Variants in ZSCAN12 observed in about 807,000 individuals in gnomAD.
ZSCAN12 encodes the protein zinc finger and SCAN domain containing 12, also known as zinc finger and SCAN domain-containing protein 12.
A neutral mutation model predicts 23.4 loss-of-function variants in ZSCAN12; 18 were observed. That is an observed-to-expected ratio of 0.77 (90% CI 0.53 to 1.14). The LOEUF (loss-of-function observed/expected upper bound fraction) is 1.14, where lower values mean the gene tolerates loss of function less well. Ranked by LOEUF, ZSCAN12 falls within the 50% of genes most tolerant of loss-of-function variation. The pLI, the probability that ZSCAN12 is intolerant of heterozygous loss-of-function variation, is 0.00. For missense variants in ZSCAN12, 650 were observed against 735.0 expected (o/e 0.88, Z 1.34); for synonymous variants, 186 against 253.4 (o/e 0.73, Z 2.53).
chr6:28,390,623 T>C lies in ZSCAN12; in HGVS notation c.1667A>G (p.Asp556Gly), dbSNP rs1285381261. 2 of 1,612,876 alleles carry C rather than the reference T, an allele frequency of 1.2e-6. No homozygotes were observed. The highest frequency in any genetic ancestry group is 1.7e-6 in the Non-Finnish European group (2 of 1,179,422). The change falls in exon 4 of 4, where the codon GAT becomes GGT. Residue 556 changes from aspartate to glycine, a missense_variant. Asp to Gly is a moderately conservative substitution (Grantham distance 94). Transcript: ENST00000684592. ...IHTGEKPYQC[D>G]ECGKAFRQRS... ...CTGTCTGAAGGCTTTTCCACACTCATCACATTGGTAGGGCTTCTCCCCAGT... is the reference window on the plus strand; with the variant it reads ...CTGTCTGAAGGCTTTTCCACACTCACCACATTGGTAGGGCTTCTCCCCAGT...
Position 28,398,291 on chromosome 6 carries a change from T to C in ZSCAN12, c.115A>G (p.Thr39Ala). The C allele has an allele frequency of 6.3e-7, 1 of 1,599,520 alleles. No individual in the cohort carries two copies. The highest frequency in any genetic ancestry group is 1.8e-5 in the Admixed American group (1 of 56,740). ...TGACGGAAGACCTCTCTGCTATGGGTGTTGTTTTTACGCAGGTCCCAATCC... is the reference window on the plus strand; with the variant it reads ...TGACGGAAGACCTCTCTGCTATGGGCGTTGTTTTTACGCAGGTCCCAATCC... The part of the protein sequence containing the change: ...RQDWDLRKNN[T>A]HSREVFRQYF... The change falls in exon 2 of 4, where the codon ACC becomes GCC. Residue 39 changes from threonine (T) to alanine (A), a missense_variant. Coordinates refer to ENST00000684592, the MANE Select transcript of ZSCAN12 (RefSeq NM_001163391.2).
In ZSCAN12 at chr6:28,398,290, GTGT is replaced by G; in HGVS notation, c.113_115del (p.Asn38del). The stretch of plus-strand genomic sequence containing the variant: ...CTGACGGAAGACCTCTCTGCTATGG[GTGT>G]TGTTTTTACGCAGGTCCCAATCCTG... On this transcript the variant is annotated inframe_deletion, in exon 2 of 4. Coordinates refer to ENST00000684592, the MANE Select transcript of ZSCAN12 (RefSeq NM_001163391.2). 1 of 1,600,600 alleles carries G rather than the reference GTGT, an allele frequency of 6.2e-7. No homozygotes were observed. Among genetic ancestry groups the G allele is most frequent in the East Asian group, 2.3e-5 (1 of 44,412 alleles).
Position 28,386,909 on chromosome 6 carries a change from C to A in ZSCAN12, c.*3545G>T, listed in dbSNP as rs1760577721. On this transcript the variant is annotated 3_prime_UTR_variant, in exon 4 of 4. Coordinates refer to ENST00000684592, the MANE Select transcript of ZSCAN12 (RefSeq NM_001163391.2). ...GTGGTGCCATCTCAGCTCACTGCAA[C>A]CTCCACCTCCCGGATTCAAGCGATT... Among the ~76,000 whole-genome samples the A allele has an allele frequency of 6.6e-6, 1 of 152,138 alleles. No individual in the cohort carries two copies. Among genetic ancestry groups the A allele is most frequent in the Non-Finnish European group, 1.5e-5 (1 of 68,036 alleles).
chr6:28,382,787 T>A (rs979892505), downstream of ZSCAN12, among the ~76,000 whole-genome samples: 6 of 152,182 alleles, frequency 3.9e-5, no homozygotes, highest in African/African-American at 1.4e-4. Context: ...AGCCTTTTAC[T>A]CTCTAAAAGT....
downstream of ZSCAN12, among the ~76,000 whole-genome samples, chr6:28,384,687 T>C (rs1239123470): frequency 6.6e-6 from 1 of 152,174 alleles, no homozygotes; most frequent in Non-Finnish European, 1.5e-5. Flanking sequence ...ATTATATACA[T>C]GAGGTCATAT....
At chr6:28,393,155 A>C (rs1581779119) in intron 2 of ZSCAN12, 109 bp from the exon 3 acceptor site, 4 of 1,188,076 alleles carry the variant, frequency 3.4e-6, no homozygotes, top group Non-Finnish European at 4.7e-6. Flanking sequence ...CCCAGATATA[A>C]GCCTGCCATA....
chr6:28,398,932 C>CAAAAA (rs369893339), intron 1 of ZSCAN12, among the ~76,000 whole-genome samples: 3 of 90,916 alleles, frequency 3.3e-5, no homozygotes, highest in Admixed American at 1.2e-4. Context: ...GACTCCGTCT[C>CAAAAA]AAAAAAAAAA....
rs1386343321 is a variant in ZSCAN12, at chr6:28,388,643, T to G, written c.*1811A>C. Among the ~76,000 whole-genome samples the G allele has an allele frequency of 6.6e-6, 1 of 152,100 alleles. No individual in the cohort carries two copies. Among genetic ancestry groups the G allele is most frequent in the Non-Finnish European group, 1.5e-5 (1 of 68,016 alleles). ...TAGAAAGGTAATTAGGAGTGGGACTTACTAAGGAAGAATGCAGATTACCCT... is the reference window on the plus strand; with the variant it reads ...TAGAAAGGTAATTAGGAGTGGGACTGACTAAGGAAGAATGCAGATTACCCT... On this transcript the variant is annotated 3_prime_UTR_variant, in exon 4 of 4. Coordinates refer to ENST00000684592, the MANE Select transcript of ZSCAN12 (RefSeq NM_001163391.2).
intron 2 of ZSCAN12, among the ~76,000 whole-genome samples, chr6:28,396,603 T>G (rs148885677): frequency 1.3e-5 from 2 of 152,024 alleles, no homozygotes; most frequent in East Asian, 2.0e-4. Flanking sequence ...TTTTTCTGTT[T>G]GTTTGTTTGT....
In ZSCAN12 at chr6:28,387,732, A is replaced by C. The variant is rs976290909; in HGVS notation, c.*2722T>G. ...GTATAACAATTATGTTTTGTTGAAG[A>C]TTTGCAGGAGCATTGTGACCCAACC... On this transcript the variant is annotated 3_prime_UTR_variant, in exon 4 of 4. Coordinates refer to ENST00000684592, the MANE Select transcript of ZSCAN12 (RefSeq NM_001163391.2). Among the ~76,000 whole-genome samples, 3 of 152,204 alleles carry C rather than the reference A, an allele frequency of 2.0e-5. 1 individual carries two copies.
Position 28,386,377 on chromosome 6 carries a change from C to CA in ZSCAN12, c.*4076_*4077insT, listed in dbSNP as rs1760541324. Among the ~76,000 whole-genome samples, 1 of 152,192 alleles carries CA rather than the reference C, an allele frequency of 6.6e-6. No individual in the cohort carries two copies. Among genetic ancestry groups the CA allele is most frequent in the African/African-American group, 2.4e-5 (1 of 41,446 alleles). ...CTACAATTGATGACCGTTATTTCTA[C>CA]CTTGGACCTGCTTCGCTTTTATATT... On this transcript the variant is annotated 3_prime_UTR_variant, in exon 4 of 4. Coordinates refer to ENST00000684592, the MANE Select transcript of ZSCAN12 (RefSeq NM_001163391.2).
At position 28,389,516 on chromosome 6, in the gene ZSCAN12, G is replaced by A. The variant is rs1359657560; in HGVS notation, c.*938C>T. Among the ~76,000 whole-genome samples the A allele has an allele frequency of 6.6e-6, 1 of 152,138 alleles. No individual in the cohort carries two copies. Among genetic ancestry groups the A allele is most frequent in the Non-Finnish European group, 1.5e-5 (1 of 68,022 alleles). ...AACTCAACGCTTCTCAAATTTTAAAGTATATTAAGTAACTGTGGAGCTATA... is the reference window on the plus strand; with the variant it reads ...AACTCAACGCTTCTCAAATTTTAAAATATATTAAGTAACTGTGGAGCTATA... On this transcript the variant is annotated 3_prime_UTR_variant, in exon 4 of 4. Transcript: ENST00000684592.
At chr6:28,397,207 G>C (rs978629588) in intron 2 of ZSCAN12, among the ~76,000 whole-genome samples, 5 of 151,806 alleles carry the variant, frequency 3.3e-5, no homozygotes, top group African/African-American at 1.2e-4. Context: ...ACCTCCCCAA[G>C]TTATAACAAC....
At chr6:28,383,745 C>G (rs1432616884), downstream of ZSCAN12, among the ~76,000 whole-genome samples, 1 of 152,204 alleles carries the variant, frequency 6.6e-6, no homozygotes. Context: ...TAAGTGTCCC[C>G]TGCTGGCCAC....
chr6:28,394,736 C>T (rs1163270457), intron 2 of ZSCAN12, among the ~76,000 whole-genome samples: 1 of 152,150 alleles, frequency 6.6e-6, no homozygotes, highest in Non-Finnish European at 1.5e-5. Context: ...CCTAGCTACT[C>T]TGTTTCTACT....
At chr6:28,392,662 T>G (rs73742558) in intron 3 of ZSCAN12, among the ~76,000 whole-genome samples, 10,462 of 152,108 alleles carry the variant, frequency 0.069, 416 homozygotes, top group South Asian at 0.17. Context: ...TAAAGAGAGA[T>G]AAATATCAGA....
intron 2 of ZSCAN12, among the ~76,000 whole-genome samples, chr6:28,396,019 A>ATT (rs70983941): frequency 0.13 from 17,504 of 132,066 alleles, 1,255 homozygotes; most frequent in African/African-American, 0.15. Context: ...GTGTTTGTTG[A>ATT]TTTTTTTTTT....
At chr6:28,382,477 C>A, downstream of ZSCAN12, 1 of 1,548,642 alleles carries the variant, frequency 6.5e-7, no homozygotes. Context: ...CTTCCTTTAC[C>A]ATCAGTCACT....
At chr6:28,394,751 A>G (rs1761022887) in intron 2 of ZSCAN12, among the ~76,000 whole-genome samples, 1 of 152,068 alleles carries the variant, frequency 6.6e-6, no homozygotes. Flanking sequence ...TCTACTGCTC[A>G]TTACTCCCTT....
Sources: gnomAD v4.1 joint callset for allele counts (sites outside exome capture counted in the v4.1 genomes callset) on GRCh38, gnomAD v4.1.1 for gene constraint, MANE v1.5 for transcripts, NCBI Gene and HGNC (gene_info 2026-07-23, HGNC 2026-07-21) for gene names.